The following PABPC4L variants were observed in gnomAD, a reference collection of about 807,000 sequenced individuals.
PABPC4L encodes the protein polyadenylate-binding protein 4-like.
For missense variants in PABPC4L, 452 were observed against 451.4 expected, an observed-to-expected ratio of 1.00 and a Z score of -0.01; for synonymous variants, 169 against 164.1, an observed-to-expected ratio of 1.03 and a Z score of -0.23.
the PABPC4L span, among the ~76,000 whole-genome samples, chr4:134,069,859 G>A: frequency 2.0e-5 from 3 of 152,058 alleles, no homozygotes; most frequent in Non-Finnish European, 4.4e-5. Flanking sequence ...CATTGCTGGG[G>A]AAATAGTTCA....
chr4:133,970,247 T>C, the PABPC4L span, among the ~76,000 whole-genome samples: 4 of 152,038 alleles, frequency 2.6e-5, no homozygotes, highest in Admixed American at 2.6e-4. Context: ...TTTTCTGCCA[T>C]CTCTGGCCAA....
the PABPC4L span, among the ~76,000 whole-genome samples, chr4:133,981,719 A>T: frequency 2.6e-5 from 4 of 152,016 alleles, no homozygotes; most frequent in Non-Finnish European, 4.4e-5. Flanking sequence ...TTTAAAACTC[A>T]AAAATGAACA....
chr4:134,027,343 G>C, the PABPC4L span, among the ~76,000 whole-genome samples: 1 of 152,136 alleles, frequency 6.6e-6, no homozygotes, highest in Non-Finnish European at 1.5e-5. Flanking sequence ...GAGACAGAGA[G>C]AGAGTCTTGA....
At chr4:134,111,145 A>G in the PABPC4L span, among the ~76,000 whole-genome samples, 7 of 152,172 alleles carry the variant, frequency 4.6e-5, no homozygotes, top group Middle Eastern at 0.01. Context: ...TGAATACTGC[A>G]TCCTCCACAG....
chr4:133,994,405 G>T, the PABPC4L span, among the ~76,000 whole-genome samples: 1 of 152,074 alleles, frequency 6.6e-6, no homozygotes, highest in Non-Finnish European at 1.5e-5. Flanking sequence ...GGGCTAATAG[G>T]TCCTGTCCCC....
the PABPC4L span, among the ~76,000 whole-genome samples, chr4:134,061,912 G>A: frequency 6.6e-6 from 1 of 151,740 alleles, no homozygotes. Context: ...TATTATTAAA[G>A]ATTTTTAAGC....
At chr4:133,981,355 T>A in the PABPC4L span, among the ~76,000 whole-genome samples, 2 of 152,202 alleles carry the variant, frequency 1.3e-5, no homozygotes, top group Non-Finnish European at 2.9e-5. Context: ...AATATACATT[T>A]ATACCATTTA....
the PABPC4L span, among the ~76,000 whole-genome samples, chr4:134,067,946 T>C: frequency 2.0e-5 from 3 of 152,144 alleles, no homozygotes; most frequent in Non-Finnish European, 4.4e-5. Context: ...TATGGCTGAC[T>C]ATATGGTTGC....
the PABPC4L span, among the ~76,000 whole-genome samples, chr4:134,161,960 GTTTA>G: frequency 3.3e-5 from 5 of 152,058 alleles, no homozygotes; most frequent in Admixed American, 6.5e-5. Flanking sequence ...TTGTTTGTGT[GTTTA>G]TTTCTTTTCT....
At chr4:134,142,680 T>C in the PABPC4L span, among the ~76,000 whole-genome samples, 2 of 151,482 alleles carry the variant, frequency 1.3e-5, no homozygotes, top group African/African-American at 2.4e-5. Context: ...CAAATGATTA[T>C]TGGTGTAATT....
At chr4:134,020,193 A>G in the PABPC4L span, among the ~76,000 whole-genome samples, 1 of 152,046 alleles carries the variant, frequency 6.6e-6, no homozygotes, top group African/African-American at 2.4e-5. Flanking sequence ...CAAGTTTATT[A>G]AGAAAGTAAA....
At chr4:134,164,434 A>G in the PABPC4L span, among the ~76,000 whole-genome samples, 2 of 152,242 alleles carry the variant, frequency 1.3e-5, no homozygotes, top group Admixed American at 6.5e-5. Context: ...GCAAAGACTC[A>G]AGCTATAAAA....
chr4:134,024,826 TG>T, the PABPC4L span, among the ~76,000 whole-genome samples: 4 of 151,072 alleles, frequency 2.6e-5, no homozygotes, highest in Admixed American at 6.6e-5. Context: ...TTTTTTTTTT[TG>T]GAGACAGAAT....
chr4:134,064,631 C>T, the PABPC4L span, among the ~76,000 whole-genome samples: 1 of 151,930 alleles, frequency 6.6e-6, no homozygotes, highest in Non-Finnish European at 1.5e-5. Context: ...TCAGCATACA[C>T]GTAGAGGTTT....
chr4:134,066,406 T>C, the PABPC4L span, among the ~76,000 whole-genome samples: 1 of 152,188 alleles, frequency 6.6e-6, no homozygotes, highest in Admixed American at 6.5e-5. Context: ...TCCTGAAATG[T>C]TGCTGAAGTT....
At chr4:134,148,484 T>G in the PABPC4L span, among the ~76,000 whole-genome samples, 1 of 152,070 alleles carries the variant, frequency 6.6e-6, no homozygotes, top group African/African-American at 2.4e-5. Flanking sequence ...CTTTTACTGC[T>G]CCTATCAGAT....
the PABPC4L span, among the ~76,000 whole-genome samples, chr4:134,128,211 GTA>G: frequency 6.6e-6 from 1 of 152,142 alleles, no homozygotes; most frequent in East Asian, 1.9e-4. Flanking sequence ...GGAAGAAAAT[GTA>G]TCTAAAAGTT....
chr4:134,037,463 C>A, the PABPC4L span, among the ~76,000 whole-genome samples: 3 of 151,966 alleles, frequency 2.0e-5, no homozygotes, highest in Non-Finnish European at 2.9e-5. Flanking sequence ...TTAATATGTG[C>A]TTGATGGTGT....
chr4:134,031,126 A>C, the PABPC4L span, among the ~76,000 whole-genome samples: 2 of 152,086 alleles, frequency 1.3e-5, no homozygotes, highest in East Asian at 3.9e-4. Context: ...TCATAACAAG[A>C]AGGTTTTTTT....
Sources: gnomAD v4.1 joint callset for allele counts (sites outside exome capture counted in the v4.1 genomes callset) on GRCh38, gnomAD v4.1.1 for gene constraint, MANE v1.5 for transcripts, NCBI Gene and HGNC (gene_info 2026-07-23, HGNC 2026-07-21) for gene names.